Variants in NALF1 observed in about 807,000 individuals in gnomAD.
NALF1 encodes the protein NALCN channel auxiliary factor 1.
Under a neutral mutation model 48.4 loss-of-function variants are expected in NALF1, and 3 were observed. The ratio of observed to expected loss-of-function variants is 0.06; its 90% CI spans 0.03 to 0.16. The LOEUF is 0.16. NALF1 is among the 10% of genes least tolerant of loss of function. The probability of loss-of-function intolerance (pLI) is 1.00; values close to 1 mark genes in which losing one functional copy is unlikely to be tolerated. For missense variants in NALF1, 526 were observed against 571.5 expected (o/e 0.92, Z 0.81); for synonymous variants, 262 against 245.7 (o/e 1.07, Z -0.62).
intron 1 of NALF1, among the ~76,000 whole-genome samples, chr13:107,645,187 A>C (rs1229229975): frequency 6.6e-6 from 1 of 152,166 alleles, no homozygotes; most frequent in Non-Finnish European, 1.5e-5. Context: ...AGGCACTGCC[A>C]AACTGTTCTT....
chr13:107,736,827 T>C (rs1466868228), intron 1 of NALF1, among the ~76,000 whole-genome samples: 1 of 152,196 alleles, frequency 6.6e-6, no homozygotes, highest in Non-Finnish European at 1.5e-5. Flanking sequence ...AGTGCTGAAG[T>C]AGACAGCAGC....
intron 1 of NALF1, among the ~76,000 whole-genome samples, chr13:107,459,683 A>AG (rs1884885669): frequency 6.6e-6 from 1 of 152,152 alleles, no homozygotes; most frequent in African/African-American, 2.4e-5. Flanking sequence ...AAAGTAAGTA[A>AG]AAATCCCCTG....
intron 1 of NALF1, among the ~76,000 whole-genome samples, chr13:107,731,500 G>A (rs1876307586): frequency 6.6e-6 from 1 of 152,106 alleles, no homozygotes; most frequent in Non-Finnish European, 1.5e-5. Context: ...TTGTCACCCA[G>A]TATTAAGTCT....
chr13:107,367,831 A>G (rs755115126), intron 1 of NALF1, among the ~76,000 whole-genome samples: 1 of 152,224 alleles, frequency 6.6e-6, no homozygotes, highest in Non-Finnish European at 1.5e-5. Context: ...GATGGAGTCT[A>G]GGGAACTCAT....
intron 2 of NALF1, 97 bp downstream of exon 2, chr13:107,210,487 G>T (rs975220436): frequency 8.0e-6 from 7 of 870,466 alleles, no homozygotes; most frequent in African/African-American, 6.7e-5. Flanking sequence ...CATCTTCAAG[G>T]TTATATCAGT....
At chr13:107,543,884 A>G (rs1467204973) in intron 1 of NALF1, among the ~76,000 whole-genome samples, 2 of 152,064 alleles carry the variant, frequency 1.3e-5, no homozygotes, top group East Asian at 3.9e-4. Context: ...AGGTGCAGAG[A>G]AAACTAGAAA....
intron 1 of NALF1, among the ~76,000 whole-genome samples, chr13:107,670,041 C>T (rs1167656551): frequency 6.6e-6 from 1 of 152,098 alleles, no homozygotes; most frequent in African/African-American, 2.4e-5. Flanking sequence ...TCAGAAAATG[C>T]ATCCTTTCTA....
At chr13:107,203,553 T>C (rs962745086) in intron 2 of NALF1, among the ~76,000 whole-genome samples, 1 of 152,090 alleles carries the variant, frequency 6.6e-6, no homozygotes, top group African/African-American at 2.4e-5. Flanking sequence ...GGTCAGCGAG[T>C]GACATCTTCC....
At chr13:107,790,227 A>T (rs1295403855) in intron 1 of NALF1, among the ~76,000 whole-genome samples, 1 of 152,224 alleles carries the variant, frequency 6.6e-6, no homozygotes, top group Non-Finnish European at 1.5e-5. Flanking sequence ...ATTTACATAT[A>T]CAACTTGGCT....
chr13:107,624,654 A>G (rs1461632440), intron 1 of NALF1, among the ~76,000 whole-genome samples: 1 of 152,170 alleles, frequency 6.6e-6, no homozygotes, highest in Non-Finnish European at 1.5e-5. Flanking sequence ...TTTGCTGTGA[A>G]ACTTTTGAAT....
chr13:107,639,072 A>T (rs1474566763), intron 1 of NALF1, among the ~76,000 whole-genome samples: 4 of 152,228 alleles, frequency 2.6e-5, no homozygotes, highest in Non-Finnish European at 5.9e-5. Flanking sequence ...CCTCAATAAA[A>T]GCAAATTGTT....
intron 1 of NALF1, among the ~76,000 whole-genome samples, chr13:107,525,619 G>A (rs1477134754): frequency 6.6e-6 from 1 of 152,030 alleles, no homozygotes; most frequent in African/African-American, 2.4e-5. Flanking sequence ...CTGTCTGTCT[G>A]GGTAAATACT....
rs1443084775 is a variant in NALF1 at position 107,794,516 on chromosome 13, A to G, written c.915+71166T>C. ...GAATTATAATGCTTAACAATATGTC[A>G]AAATATTATATTATTGAAAAACAAA... On this transcript the variant is annotated intron_variant, in intron 1 of 2. Transcript: ENST00000375915. 5.9e-5 allele frequency among the ~76,000 whole-genome samples: 9 copies of G among 151,496 alleles called. No individual in the cohort carries two copies. In the East Asian group the frequency reaches 1.7e-3, roughly 29 times the overall value.
intron 1 of NALF1, among the ~76,000 whole-genome samples, chr13:107,364,086 A>G (rs1883110840): frequency 6.6e-6 from 1 of 152,178 alleles, no homozygotes; most frequent in African/African-American, 2.4e-5. Context: ...TCATATTTGG[A>G]ATGTTTTTCT....
rs560251007 is a variant in NALF1, at chr13:107,844,882, G to A, written c.915+20800C>T. On this transcript the variant is annotated intron_variant, in intron 1 of 2. Transcript: ENST00000375915. ...TCAAAGCAGGCCTGGATACCCAACA[G>A]TTGGTTCTTTCCTTTTTCATGTTTA... 3.3e-5 allele frequency among the ~76,000 whole-genome samples: 5 copies of A among 152,240 alleles called. No homozygotes were observed. In the East Asian group the frequency reaches 7.7e-4, roughly 23 times the overall value.
At chr13:107,636,715 A>T (rs1879986011) in intron 1 of NALF1, among the ~76,000 whole-genome samples, 1 of 151,910 alleles carries the variant, frequency 6.6e-6, no homozygotes, top group African/African-American at 2.4e-5. Flanking sequence ...TATACTTGGT[A>T]GCCTCTATAC....
At chr13:107,628,695 C>A (rs1359635475) in intron 1 of NALF1, among the ~76,000 whole-genome samples, 1 of 152,152 alleles carries the variant, frequency 6.6e-6, no homozygotes, top group East Asian at 1.9e-4. Flanking sequence ...ACAAACAAAA[C>A]CCTGGTTAAC....
intron 1 of NALF1, among the ~76,000 whole-genome samples, chr13:107,576,058 TTG>T (rs1878138604): frequency 1.3e-5 from 2 of 152,036 alleles, no homozygotes; most frequent in South Asian, 4.2e-4. Context: ...GTAACACATT[TTG>T]TGTCTCAGTC....
intron 1 of NALF1, among the ~76,000 whole-genome samples, chr13:107,417,763 C>A (rs1440723230): frequency 1.3e-5 from 2 of 152,084 alleles, no homozygotes; most frequent in Admixed American, 6.6e-5. Context: ...TTATTATATT[C>A]AAAAATACAT....
Sources: allele counts gnomAD v4.1 joint callset (sites outside exome capture counted in the v4.1 genomes callset), GRCh38; gene constraint gnomAD v4.1.1; transcripts MANE v1.5; gene names NCBI Gene and HGNC (gene_info 2026-07-23, HGNC 2026-07-21).